IQGAP2: variants seen among roughly 807,000 people sequenced by gnomAD.
IQGAP2 encodes the protein IQ motif containing GTPase activating protein 2, also known as ras GTPase-activating-like protein IQGAP2.
A neutral mutation model predicts 201.3 loss-of-function variants in IQGAP2; 173 were observed. That is an observed-to-expected ratio of 0.86 (90% CI 0.76 to 0.98). The LOEUF (loss-of-function observed/expected upper bound fraction) is 0.98. IQGAP2 is among the 50% of genes least tolerant of loss of function. The pLI is 0.00. For missense variants in IQGAP2, 1,687 were observed against 1,864.8 expected (o/e 0.90, Z 1.76); for synonymous variants, 675 against 673.9 (o/e 1.00, Z -0.03).
intron 1 of IQGAP2, among the ~76,000 whole-genome samples, chr5:76,413,279 C>T (rs1751236806): frequency 6.7e-6 from 1 of 148,762 alleles, no homozygotes; most frequent in African/African-American, 2.5e-5. Flanking sequence ...AGCAATTCTC[C>T]TGTCTCAGCC....
At position 76,707,260 on chromosome 5, in the gene IQGAP2, G is replaced by C. The variant is rs1747988124; in HGVS notation, c.4675G>C (p.Val1559Leu). ...AATGAAAATGTTTGATAAGGTTAAA[G>C]TGAATGTAAACCTTCTCATATACCT... ...AVMKMFDKVKVNVNLLIYLLN... is the reference protein window; with the variant it reads ...AVMKMFDKVKLNVNLLIYLLN... Residue 1559 changes from valine (V) to leucine (L), a missense_variant, in exon 36 of 36, where the codon GTG becomes CTG. Transcript: ENST00000274364. 1 of 1,588,620 alleles carries C rather than the reference G, an allele frequency of 6.3e-7. No individual in the cohort carries two copies.
At chr5:76,591,489 T>C (rs546871121) in intron 8 of IQGAP2, among the ~76,000 whole-genome samples, 1 of 152,330 alleles carries the variant, frequency 6.6e-6, no homozygotes, top group Admixed American at 6.5e-5. Flanking sequence ...TTGTCTCTCA[T>C]TAAGCTCTTG....
At chr5:76,408,783 CTTATT>C (rs1474803110) in intron 1 of IQGAP2, among the ~76,000 whole-genome samples, 2 of 151,518 alleles carry the variant, frequency 1.3e-5, no homozygotes, top group East Asian at 3.9e-4. Flanking sequence ...CCCAATCTCT[CTTATT>C]TATTTATTTA....
chr5:76,532,131 G>A (rs903819986), intron 2 of IQGAP2, among the ~76,000 whole-genome samples: 9 of 152,146 alleles, frequency 5.9e-5, no homozygotes, highest in African/African-American at 1.9e-4. Context: ...AGTTCATTGC[G>A]GGCAACCATT....
In IQGAP2 at chr5:76,471,371, A is replaced by C. The variant is rs866500255; in HGVS notation, c.146+9702A>C. Among the ~76,000 whole-genome samples the C allele has an allele frequency of 3.0e-3, 338 of 112,318 alleles. 4 individuals are homozygous for C. The highest frequency in any genetic ancestry group is 0.011 in the African/African-American group (331 of 30,180). 73.7% of individuals were successfully genotyped at this position (112,318 alleles called of 152,430 possible). On this transcript the variant is annotated intron_variant, in intron 2 of 35. Transcript: ENST00000274364. Reference sequence around the variant, plus strand: ...CTCTGAAAATAAACTAAGCAAAAAAAAAAAAAAAAAAAAAACACCCTTCCC... The same window carrying C: ...CTCTGAAAATAAACTAAGCAAAAAACAAAAAAAAAAAAAAACACCCTTCCC...
At chr5:76,619,432 A>G (rs1163589881) in intron 13 of IQGAP2, among the ~76,000 whole-genome samples, 4 of 151,774 alleles carry the variant, frequency 2.6e-5, no homozygotes, top group Non-Finnish European at 5.9e-5. Flanking sequence ...CAAAGATTCT[A>G]CCTGCTAATT....
At chr5:76,526,749 A>T (rs1392478530) in intron 2 of IQGAP2, among the ~76,000 whole-genome samples, 1 of 152,176 alleles carries the variant, frequency 6.6e-6, no homozygotes, top group Non-Finnish European at 1.5e-5. Flanking sequence ...GATTGTAACT[A>T]CTACACCTGC....
At position 76,597,604 on chromosome 5, in the gene IQGAP2, T is replaced by C. The variant is rs1465915848; in HGVS notation, c.1071+2T>C. On this transcript the variant is annotated splice_donor_variant, in intron 10 of 35. Transcript: ENST00000274364. LOFTEE classifies it high-confidence loss of function. ...AACCTCCAGAAACAGAACACCATGGTAAGTCAGAGGAGACCCCAGCTGTGG... is the reference window on the plus strand; with the variant it reads ...AACCTCCAGAAACAGAACACCATGGCAAGTCAGAGGAGACCCCAGCTGTGG... The C allele has an allele frequency of 6.2e-7, 1 of 1,613,742 alleles. No individual in the cohort carries two copies. Among genetic ancestry groups the C allele is most frequent in the East Asian group, 2.2e-5 (1 of 44,860 alleles).
intron 2 of IQGAP2, among the ~76,000 whole-genome samples, chr5:76,498,715 A>C (rs546184109): frequency 3.9e-5 from 6 of 152,322 alleles, no homozygotes; most frequent in South Asian, 2.1e-4. Flanking sequence ...TGGTTTTGGC[A>C]TACTGCTATT....
chr5:76,454,691 A>G (rs1316229680), intron 1 of IQGAP2, among the ~76,000 whole-genome samples: 18 of 150,334 alleles, frequency 1.2e-4, no homozygotes, highest in Non-Finnish European at 1.2e-4. Context: ...CCAGTCTATC[A>G]TTGTTGGACA....
chr5:76,485,257 C>T (rs920394519), intron 2 of IQGAP2, among the ~76,000 whole-genome samples: 8 of 152,110 alleles, frequency 5.3e-5, no homozygotes, highest in East Asian at 1.9e-4. Context: ...CATGCTTCTT[C>T]GGTAAGTATA....
intron 1 of IQGAP2, among the ~76,000 whole-genome samples, chr5:76,452,183 G>C (rs1372495941): frequency 1.4e-5 from 2 of 147,644 alleles, no homozygotes; most frequent in African/African-American, 2.5e-5. Context: ...CCCGAGTGCT[G>C]GGATTATAGG....
chr5:76,485,745 C>T (rs1161525726), intron 2 of IQGAP2, among the ~76,000 whole-genome samples: 1 of 152,194 alleles, frequency 6.6e-6, no homozygotes, highest in Non-Finnish European at 1.5e-5. Context: ...GGCACTCATT[C>T]TGTACAGCCC....
intron 11 of IQGAP2, among the ~76,000 whole-genome samples, chr5:76,605,716 A>G (rs942281718): frequency 3.3e-5 from 5 of 152,226 alleles, no homozygotes; most frequent in Non-Finnish European, 7.3e-5. Context: ...TGTAGTAGAA[A>G]AGGTCTTTTA....
At chr5:76,543,070 C>A (rs1369985521) in intron 2 of IQGAP2, among the ~76,000 whole-genome samples, 1 of 152,146 alleles carries the variant, frequency 6.6e-6, no homozygotes, top group African/African-American at 2.4e-5. Flanking sequence ...CGCTTCAGAT[C>A]CTGTGTCTTA....
rs372118683 is a variant in IQGAP2 at position 76,495,233 on chromosome 5, C to T, written c.146+33564C>T. Among the ~76,000 whole-genome samples, 75 of 152,332 alleles carry T rather than the reference C, an allele frequency of 4.9e-4. No individual in the cohort carries two copies. In the East Asian group the frequency reaches 0.012, roughly 24 times the overall value. On this transcript the variant is annotated intron_variant, in intron 2 of 35. Coordinates refer to ENST00000274364, the MANE Select transcript of IQGAP2 (RefSeq NM_006633.5). Reference sequence around the variant, plus strand: ...GGTTGAGAAGCACTGGTTGAACCCACACTCAGAGGCACCAGCCTAGAGCAC... The same window carrying T: ...GGTTGAGAAGCACTGGTTGAACCCATACTCAGAGGCACCAGCCTAGAGCAC...
intron 2 of IQGAP2, among the ~76,000 whole-genome samples, chr5:76,517,499 G>C (rs977878057): frequency 2.6e-5 from 4 of 151,298 alleles, no homozygotes; most frequent in African/African-American, 9.7e-5. Flanking sequence ...TGTAGTCTTA[G>C]TTACTCATGA....
rs1488926441 is a variant in IQGAP2, at chr5:76,552,181, GCCT to G, written c.147-10214_147-10212del. Among the ~76,000 whole-genome samples, 5 of 152,270 alleles carry G rather than the reference GCCT, an allele frequency of 3.3e-5. No homozygotes were observed. In the East Asian group the frequency reaches 9.6e-4, roughly 29 times the overall value. ...TGTCCCATCCTGTAGCATCTCAGAAGCCTGCTGCTGTTGTGTCCTGTCTCTGTC... is the reference window on the plus strand; with the variant it reads ...TGTCCCATCCTGTAGCATCTCAGAAGGCTGCTGTTGTGTCCTGTCTCTGTC... On this transcript the variant is annotated intron_variant, in intron 2 of 35. Transcript: ENST00000274364.
chr5:76,594,441 T>C (rs187717354), intron 9 of IQGAP2, among the ~76,000 whole-genome samples: 2 of 151,872 alleles, frequency 1.3e-5, no homozygotes, highest in Non-Finnish European at 2.9e-5. Context: ...TTGGCTATAC[T>C]TTTTTTTTCC....
Sources: gnomAD v4.1 joint callset for allele counts (sites outside exome capture counted in the v4.1 genomes callset) on GRCh38, gnomAD v4.1.1 for gene constraint, MANE v1.5 for transcripts, NCBI Gene and HGNC (gene_info 2026-07-23, HGNC 2026-07-21) for gene names.